The following PRX variants were observed in gnomAD, a reference collection of about 807,000 sequenced individuals.
PRX encodes the protein periaxin.
PRX carries 24 observed loss-of-function variants against 29.6 expected under a neutral mutation model. That is an observed-to-expected ratio of 0.81 (90% confidence interval 0.59 to 1.14). The LOEUF (loss-of-function observed/expected upper bound fraction) is 1.14, where lower values mean the gene tolerates loss of function less well. PRX is among the 50% of genes most tolerant of loss of function. PRX has a pLI of 0.00. For missense variants in PRX, 1,838 were observed against 1,926.4 expected, an observed-to-expected ratio of 0.95 and a Z score of 0.86; for synonymous variants, 772 against 831.7, an observed-to-expected ratio of 0.93 and a Z score of 1.24.
Position 40,396,944 on chromosome 19 carries a change from G to C in PRX, c.1408C>G (p.Leu470Val). The C allele has an allele frequency of 6.2e-7, 1 of 1,614,230 alleles. No homozygotes were observed. Among genetic ancestry groups the C allele is most frequent in the African/African-American group, 1.3e-5 (1 of 75,068 alleles). ...LPEVRLPEVE[L>V]PKVSEMKLPK... ...AGTTTCATCTCTGACACCTTGGGGA[G>C]CTCCACCTCTGGGAGTCGAACCTCT... Residue 470 changes from leucine (L) to valine (V), a missense_variant, in exon 7 of 7, where the codon CTC becomes GTC. Physicochemically the swap from Leu to Val is conservative, Grantham distance 32 (BLOSUM62 1). Around this residue, in one of 3 missense-constraint regions of PRX, gnomAD observed 666 missense variants for 665.0 expected, o/e 1.00. Transcript: ENST00000324001.
upstream of PRX, among the ~76,000 whole-genome samples, chr19:40,414,158 T>C (rs370031480): frequency 1.3e-5 from 2 of 152,268 alleles, no homozygotes; most frequent in African/African-American, 4.8e-5. Flanking sequence ...GGTCTCACTC[T>C]GTTGCCCAGG....
At chr19:40,411,340 C>T (rs766049618) in intron 1 of PRX, among the ~76,000 whole-genome samples, 2 of 152,114 alleles carry the variant, frequency 1.3e-5, no homozygotes, top group Non-Finnish European at 2.9e-5. Context: ...GTTAAGAGAC[C>T]GGTGATCACA....
chr19:40,409,569 T>A (rs1380092543), intron 1 of PRX, among the ~76,000 whole-genome samples: 2 of 151,430 alleles, frequency 1.3e-5, no homozygotes, highest in Non-Finnish European at 2.9e-5. Context: ...GCCTCCTGGG[T>A]TCAAGTGATT....
chr19:40,399,895 C>CTTTCTTTCTTTCTTTCT (rs1568711858), intron 5 of PRX, among the ~76,000 whole-genome samples: 2 of 71,026 alleles, frequency 2.8e-5, no homozygotes, highest in East Asian at 4.7e-4. Context: ...TTCTTTCTTT[C>CTTTCTTTCTTTCTTTCT]TTTCTTTCTT....
Position 40,397,736 on chromosome 19 carries a change from G to A in PRX, c.616C>T (p.Arg206Trp), listed in dbSNP as rs751187632. ...REVAEEAQAARLAAAAPPPRK... is the reference protein window; with the variant it reads ...REVAEEAQAAWLAAAAPPPRK... ...GGGGGAGGAGCGGCGGCGGCCAGCC[G>A]GGCTGCCTGAGCCTCTTCGGCCACT... is the stretch of plus-strand genomic sequence containing the variant. Residue 206 changes from arginine to tryptophan, a missense_variant, in exon 7 of 7, where the codon CGG becomes TGG. Arg to Trp is a moderately radical substitution (Grantham distance 101, BLOSUM62 -3). Transcript: ENST00000324001. 5.1e-6 allele frequency: 8 copies of A among 1,561,698 alleles called. No homozygotes were observed. Among genetic ancestry groups the A allele is most frequent in the Middle Eastern group, 1.7e-4 (1 of 6,010 alleles).
intron 5 of PRX, among the ~76,000 whole-genome samples, chr19:40,400,084 G>A (rs2079483472): frequency 6.6e-6 from 1 of 151,388 alleles, no homozygotes; most frequent in African/African-American, 2.4e-5. Flanking sequence ...CCGGGTTCAA[G>A]CGACCCTCCT....
Position 40,395,209 on chromosome 19 carries a change from T to C in PRX, c.3143A>G (p.Lys1048Arg). 2 of 1,613,662 alleles carry C rather than the reference T, an allele frequency of 1.2e-6. No homozygotes were observed. Among genetic ancestry groups the C allele is most frequent in the Non-Finnish European group, 1.7e-6 (2 of 1,179,836 alleles). ...LVPGVAELEG[K>R]GWGWDGRVKM... ...CACCCTCCCATCCCAGCCCCAGCCCTTGCCCTCCAACTCAGCCACCCCTGG... is the reference window on the plus strand; with the variant it reads ...CACCCTCCCATCCCAGCCCCAGCCCCTGCCCTCCAACTCAGCCACCCCTGG... The change falls in exon 7 of 7, where the codon AAG (lysine) becomes AGG (arginine). Residue 1048 changes from lysine to arginine, a missense_variant. Lys to Arg is a conservative substitution (Grantham distance 26, BLOSUM62 2). This residue lies in a region of PRX where 1,143 missense variants were observed against 1,193.0 expected (regional missense o/e 0.96). Transcript: ENST00000324001.
intron 5 of PRX, among the ~76,000 whole-genome samples, chr19:40,399,850 C>CCTTTCTTTCTTTCTTTCTTTTT (rs2079475939): frequency 1.7e-5 from 2 of 119,624 alleles, no homozygotes; most frequent in Admixed American, 1.7e-4. Flanking sequence ...AGCTTTCTTT[C>CCTTTCTTTCTTTCTTTCTTTTT]CTTTCTTTCT....
intron 1 of PRX, among the ~76,000 whole-genome samples, chr19:40,409,376 AG>A: frequency 6.6e-6 from 1 of 152,038 alleles, no homozygotes; most frequent in East Asian, 1.9e-4. Context: ...TTTACCTCGC[AG>A]GGCTGTTCCG....
intron 4 of PRX, among the ~76,000 whole-genome samples, chr19:40,404,424 T>TGGGGGGGGGGGTGGGG (rs71171571): frequency 1.5e-5 from 1 of 65,402 alleles, no homozygotes; most frequent in African/African-American, 5.2e-5. Context: ...AGGGCGGGGC[T>TGGGGGGGGGGGTGGGG]GGGGGGGGTT....
chr19:40,398,743 G>A lies in PRX; in HGVS notation c.258C>T (p.Cys86=), dbSNP rs1346727477. ...AGAAGGAGACTTTGTAAGGCTCGGC[G>A]CATTGCAGCAGGCGTAGTGCGTCCT... ...KYEDALRLLQ[C]AEPYKVSFCL... Residue 86 remains cysteine, a synonymous_variant, in exon 6 of 7, where the codon TGC becomes TGT. Transcript: ENST00000324001. The surrounding 1 kb of genome is among the most constrained non-coding windows in gnomAD (Gnocchi z 6.3). 1 of 1,614,102 alleles carries A rather than the reference G, an allele frequency of 6.2e-7. No homozygotes were observed. Among genetic ancestry groups the A allele is most frequent in the Non-Finnish European group, 8.5e-7 (1 of 1,179,972 alleles).
chr19:40,413,650 A>C (rs1599669317), upstream of PRX, among the ~76,000 whole-genome samples: 1 of 151,902 alleles, frequency 6.6e-6, no homozygotes, highest in Non-Finnish European at 1.5e-5. Context: ...TCAGGACCCC[A>C]CCCCAGCCCC....
chr19:40,395,666 A>T lies in PRX; in HGVS notation c.2686T>A (p.Phe896Ile), dbSNP rs2079426839. 1 of 1,614,026 alleles carries T rather than the reference A, an allele frequency of 6.2e-7. No homozygotes were observed. Among genetic ancestry groups the T allele is most frequent in the African/African-American group, 1.3e-5 (1 of 74,926 alleles). Reference protein sequence around the residue: ...EVAAGVREVGFRVPSVEIVTP... With the variant: ...EVAAGVREVGIRVPSVEIVTP... ...ACAATTTCAACAGAGGGCACTCGGAAGCCCACTTCCCTGACCCCTGCTGCC... is the reference window on the plus strand; with the variant it reads ...ACAATTTCAACAGAGGGCACTCGGATGCCCACTTCCCTGACCCCTGCTGCC... Residue 896 changes from phenylalanine (F) to isoleucine (I), a missense_variant, in exon 7 of 7, where the codon TTC becomes ATC. Around this residue, in one of 3 missense-constraint regions of PRX, gnomAD observed 1,143 missense variants for 1,193.0 expected, o/e 0.96. Transcript: ENST00000324001.
chr19:40,398,902 C>A lies in PRX; in HGVS notation c.185-86G>T. The A allele has an allele frequency of 6.3e-7, 1 of 1,589,052 alleles. No homozygotes were observed. ...TCTGCCCACTTGCACGGAGCCCTCG[C>A]GGTGAGGACCCGCCCCAAATTTTAG... is the stretch of plus-strand genomic sequence containing the variant. On this transcript the variant is annotated intron_variant, in intron 5 of 6. Coordinates refer to ENST00000324001, the MANE Select transcript of PRX (RefSeq NM_181882.3). This position sits in a 1 kb window ranked among gnomAD's most constrained non-coding sequence, Gnocchi z 6.3.
upstream of PRX, among the ~76,000 whole-genome samples, chr19:40,414,133 T>A (rs2079571252): frequency 6.6e-6 from 1 of 151,778 alleles, no homozygotes; most frequent in Non-Finnish European, 1.5e-5. Context: ...CTCCCCACCC[T>A]TTTTTTTGAG....
rs268665 is a variant in PRX, at chr19:40,413,179, G to T, written c.-243+159C>A. Among the ~76,000 whole-genome samples the T allele has an allele frequency of 0.01, 1,559 of 152,246 alleles. 29 individuals carry two copies. Among genetic ancestry groups the T allele is most frequent in the African/African-American group, 0.036 (1,496 of 41,548 alleles). ...GCACAGCCAGAAAGGAGAGGAAAGG[G>T]GATTTGAACCACCAGCTCCAAAGTC... On this transcript the variant is annotated intron_variant, in intron 1 of 6. Coordinates refer to ENST00000324001, the MANE Select transcript of PRX (RefSeq NM_181882.3).
chr19:40,408,168 G>C lies in PRX; in HGVS notation c.-110C>G. ...CAGCTGTCCTCTCACCGCTGCCTGG[G>C]TGCAGGCACTTCCTCCTAACAGGAG... On this transcript the variant is annotated 5_prime_UTR_variant, in exon 3 of 7. Coordinates refer to ENST00000324001, the MANE Select transcript of PRX (RefSeq NM_181882.3). 1.7e-6 allele frequency: 1 copy of C among 605,762 alleles called. No homozygotes were observed. The highest frequency in any genetic ancestry group is 3.0e-6 in the Non-Finnish European group (1 of 338,980). The allele number at this position is 605,762 out of a possible 1,614,324, so 37.5% of individuals were successfully genotyped here.
At chr19:40,411,659 G>A (rs1056993413) in intron 1 of PRX, among the ~76,000 whole-genome samples, 8 of 152,122 alleles carry the variant, frequency 5.3e-5, no homozygotes, top group African/African-American at 1.9e-4. Flanking sequence ...CCTGAGCCAC[G>A]TACCCAGCCC....
At chr19:40,414,735 C>A (rs2079573414), upstream of PRX, among the ~76,000 whole-genome samples, 2 of 152,120 alleles carry the variant, frequency 1.3e-5, no homozygotes, top group Admixed American at 1.3e-4. Flanking sequence ...GCACAGGTAC[C>A]CCCACATGCC....
Sources: allele counts gnomAD v4.1 joint callset (sites outside exome capture counted in the v4.1 genomes callset), GRCh38; gene constraint gnomAD v4.1.1; regional missense constraint gnomAD v4.1.1; non-coding constraint Gnocchi (gnomAD v3.1); transcripts MANE v1.5; gene names NCBI Gene and HGNC (gene_info 2026-07-23, HGNC 2026-07-21).